CGAS: variants seen among roughly 807,000 people sequenced by gnomAD.
The protein encoded by CGAS is cyclic GMP-AMP synthase.
CGAS carries 31 observed loss-of-function variants against 34.0 expected under a neutral mutation model. That is an observed-to-expected ratio of 0.91 (90% CI 0.69 to 1.23). The LOEUF (loss-of-function observed/expected upper bound fraction) is 1.23, where lower values mean the gene tolerates loss of function less well. Among genes scored for constraint, CGAS ranks in the 50% most tolerant of loss-of-function variants. The probability of loss-of-function intolerance (pLI) is 0.00; values close to 1 mark genes in which losing one functional copy is unlikely to be tolerated. For synonymous variants in CGAS, 266 were observed against 260.0 expected, an observed-to-expected ratio of 1.02 and a Z score of -0.22; for missense variants, 597 against 657.6, an observed-to-expected ratio of 0.91 and a Z score of 1.01.
rs1220094691 is a variant in CGAS at position 73,451,829 on chromosome 6, G to T, written c.353C>A (p.Ala118Asp). ...PAAREPALSR[A>D]GSCRQRGARC... ...CGCGCCCCTCTGGCGGCAAGAACCA[G>T]CCCTGGAAAGAGCCGGCTCCCGAGC... Residue 118 changes from alanine to aspartate, a missense_variant, in exon 1 of 5, where the codon GCT becomes GAT. By Grantham distance (126) the Ala-to-Asp change is moderately radical. Transcript: ENST00000370315. 3 of 1,553,586 alleles carry T rather than the reference G, an allele frequency of 1.9e-6. No individual in the cohort carries two copies. Among genetic ancestry groups the T allele is most frequent in the South Asian group, 2.4e-5 (2 of 84,782 alleles).
chr6:73,432,450 C>T (rs560507804), intron 3 of CGAS, among the ~76,000 whole-genome samples: 3 of 151,138 alleles, frequency 2.0e-5, no homozygotes, highest in Non-Finnish European at 3.0e-5. Flanking sequence ...TGTGAGCCAC[C>T]GCTCCCAGTC....
chr6:73,432,584 A>G (rs995535126), intron 3 of CGAS, among the ~76,000 whole-genome samples: 3 of 152,042 alleles, frequency 2.0e-5, no homozygotes, highest in Admixed American at 6.6e-5. Flanking sequence ...CAGCCCCCCA[A>G]ATAGCTGGGA....
chr6:73,438,295 G>A (rs763767063), intron 3 of CGAS, among the ~76,000 whole-genome samples: 17 of 152,202 alleles, frequency 1.1e-4, no homozygotes, highest in South Asian at 8.3e-4. Flanking sequence ...TACATAATCT[G>A]GAATGATGGC....
intron 3 of CGAS, among the ~76,000 whole-genome samples, chr6:73,438,694 C>CA (rs67479262): frequency 0.72 from 84,259 of 116,662 alleles, 30,415 homozygotes; most frequent in South Asian, 0.85. Context: ...GAATCCGTCT[C>CA]AAAAAAAAAA....
chr6:73,427,784 G>A (rs1200176192), intron 4 of CGAS, among the ~76,000 whole-genome samples: 6 of 152,036 alleles, frequency 3.9e-5, no homozygotes, highest in Admixed American at 2.6e-4. Flanking sequence ...GCCTGCCTGG[G>A]CAACAAAGGG....
rs763350705 is a variant in CGAS, at chr6:73,424,432, TA to T, written c.*794del. On this transcript the variant is annotated 3_prime_UTR_variant, in exon 5 of 5. Coordinates refer to ENST00000370315, the MANE Select transcript of CGAS (RefSeq NM_138441.3). ...CTGGGCGACAGAGCGAGACTCCATC[TA>T]AAAAAAAAAAAAAAAAATTATGTAT... 0.075 allele frequency: 9,926 copies of T among 131,552 alleles called. 454 individuals carry two copies. Among genetic ancestry groups the T allele is most frequent in the African/African-American group, 0.14 (5,171 of 35,852 alleles). The allele number at this position is 131,552 out of a possible 1,614,324, so 8.1% of individuals were successfully genotyped here.
At chr6:73,451,251 C>T (rs556868169) in intron 1 of CGAS, among the ~76,000 whole-genome samples, 11 of 152,262 alleles carry the variant, frequency 7.2e-5, no homozygotes, top group African/African-American at 1.9e-4. Context: ...CGATACATGT[C>T]GGCTTGCATG....
chr6:73,444,553 C>T (rs1379013107), intron 2 of CGAS, among the ~76,000 whole-genome samples: 1 of 151,958 alleles, frequency 6.6e-6, no homozygotes, highest in African/African-American at 2.4e-5. Flanking sequence ...AGGTGATCCA[C>T]GCACCTCAGC....
At chr6:73,443,526 C>CA (rs1770418873) in intron 2 of CGAS, among the ~76,000 whole-genome samples, 1 of 152,114 alleles carries the variant, frequency 6.6e-6, no homozygotes, top group Non-Finnish European at 1.5e-5. Flanking sequence ...GCGTGAGCCA[C>CA]GGCGCCTGGC....
chr6:73,426,805 A>G (rs1038362049), intron 4 of CGAS, among the ~76,000 whole-genome samples: 4 of 151,692 alleles, frequency 2.6e-5, no homozygotes, highest in Non-Finnish European at 4.4e-5. Flanking sequence ...AAAATGTACT[A>G]TTTATGAAAC....
chr6:73,425,118 G>A lies in CGAS; in HGVS notation c.*109C>T, dbSNP rs867213035. On this transcript the variant is annotated 3_prime_UTR_variant, in exon 5 of 5. Coordinates refer to ENST00000370315, the MANE Select transcript of CGAS (RefSeq NM_138441.3). ...ATCCGCCTGCCTCGGCCTCCAAAGA[G>A]CTGGGATTACAGGTGTGAGCCACAG... is the stretch of plus-strand genomic sequence containing the variant. 1.7e-5 allele frequency: 13 copies of A among 782,740 alleles called. No individual in the cohort carries two copies. The highest frequency in any genetic ancestry group is 2.4e-5 in the Non-Finnish European group (12 of 510,430). The allele number at this position is 782,740 out of a possible 1,614,324, so 48.5% of individuals were successfully genotyped here. A position where few individuals can be genotyped will look rare whatever the true frequency, so the allele number is the denominator to read the frequency against.
In CGAS at chr6:73,450,017, AAAAG is replaced by A. The variant is rs201776778; in HGVS notation, c.657+1504_657+1507del. Reference sequence around the variant, plus strand: ...ATCAAAAAAAGAAGAAAGAAGAAAGAAAAGAAAGAAAGAACAAAATAAAGAGAGA... The same window carrying A: ...ATCAAAAAAAGAAGAAAGAAGAAAGAAAAGAAAGAACAAAATAAAGAGAGA... On this transcript the variant is annotated intron_variant, in intron 1 of 4. Transcript: ENST00000370315. 1.1e-4 allele frequency among the ~76,000 whole-genome samples: 17 copies of A among 151,390 alleles called. No individual in the cohort carries two copies. In the East Asian group the frequency reaches 1.7e-3, roughly 16 times the overall value.
intron 2 of CGAS, among the ~76,000 whole-genome samples, chr6:73,442,093 G>A (rs539674118): frequency 7.2e-4 from 109 of 152,160 alleles, no homozygotes; most frequent in African/African-American, 2.4e-3. Flanking sequence ...GGCTGGTCTT[G>A]AACTCTTGAG....
rs528414701 is a variant in CGAS, at chr6:73,424,184, C to G, written c.*1043G>C. 26 of 152,082 alleles carry G rather than the reference C, an allele frequency of 1.7e-4. No individual in the cohort carries two copies. The highest frequency in any genetic ancestry group is 5.8e-4 in the African/African-American group (24 of 41,416). 9.4% of individuals were successfully genotyped at this position (152,082 alleles called of 1,614,324 possible). On this transcript the variant is annotated 3_prime_UTR_variant, in exon 5 of 5. Transcript: ENST00000370315. ...GCGTGGTGGCTCACACCTGTAATCC[C>G]AGCACTTTGGGAGGCCAAGGCGGGC...
intron 4 of CGAS, among the ~76,000 whole-genome samples, chr6:73,427,470 T>C (rs1026932340): frequency 2.6e-5 from 4 of 151,546 alleles, no homozygotes; most frequent in African/African-American, 7.3e-5. Flanking sequence ...CAGCTAATTT[T>C]TGTATTTTTA....
At chr6:73,450,958 C>G (rs929587365) in intron 1 of CGAS, among the ~76,000 whole-genome samples, 1 of 147,880 alleles carries the variant, frequency 6.8e-6, no homozygotes, top group African/African-American at 2.5e-5. Context: ...CCACTGCACT[C>G]CAGCCTGGGG....
intron 3 of CGAS, among the ~76,000 whole-genome samples, chr6:73,429,533 T>C (rs1325566680): frequency 2.0e-5 from 3 of 151,792 alleles, no homozygotes; most frequent in African/African-American, 7.2e-5. Flanking sequence ...TGTGTAAATA[T>C]AGAATGATTT....
intron 1 of CGAS, among the ~76,000 whole-genome samples, chr6:73,449,476 A>AACACAC (rs144519687): frequency 0.031 from 4,493 of 142,804 alleles, 135 homozygotes; most frequent in African/African-American, 0.068. Flanking sequence ...CTCTGTCTCA[A>AACACAC]ACACACACAC....
chr6:73,438,694 CAAAAAAAAA>C (rs67479262), intron 3 of CGAS, among the ~76,000 whole-genome samples: 2 of 116,874 alleles, frequency 1.7e-5, no homozygotes, highest in Non-Finnish European at 3.4e-5. Context: ...GAATCCGTCT[CAAAAAAAAA>C]AAAAAAAAAG....
Sources: allele counts gnomAD v4.1 joint callset (sites outside exome capture counted in the v4.1 genomes callset), GRCh38; gene constraint gnomAD v4.1.1; transcripts MANE v1.5; gene names NCBI Gene and HGNC (gene_info 2026-07-23, HGNC 2026-07-21).